The following CDK14 variants were observed in gnomAD, a reference collection of about 807,000 sequenced individuals.
CDK14 encodes the protein cyclin-dependent kinase 14.
A neutral mutation model predicts 60.7 loss-of-function variants in CDK14; 34 were observed. That is an observed-to-expected ratio of 0.56 (90% CI 0.43 to 0.75). The LOEUF is 0.75. Among genes scored for constraint, CDK14 ranks in the 30% least tolerant of loss-of-function variants. The probability of loss-of-function intolerance (pLI) is 0.00; values close to 1 mark genes in which losing one functional copy is unlikely to be tolerated. For missense variants in CDK14, 482 were observed against 564.1 expected (o/e 0.85, Z 1.47); for synonymous variants, 197 against 203.7 (o/e 0.97, Z 0.28).
At position 91,068,311 on chromosome 7, in the gene CDK14, T is replaced by G. The variant is rs185110729; in HGVS notation, c.1106-11121T>G. On this transcript the variant is annotated intron_variant, in intron 11 of 14. Transcript: ENST00000380050. ...GGATGTTTGTAATCGGGGCTGATCT[T>G]CAGCTAATGCACACCTTTATTGCAT... Among the ~76,000 whole-genome samples, 257 of 152,356 alleles carry G rather than the reference T, an allele frequency of 1.7e-3. 1 individual carries two copies. The highest frequency in any genetic ancestry group is 3.2e-3 in the Non-Finnish European group (216 of 68,028).
intron 12 of CDK14, among the ~76,000 whole-genome samples, chr7:91,083,058 G>T (rs934949044): frequency 6.6e-6 from 1 of 151,974 alleles, no homozygotes; most frequent in African/African-American, 2.4e-5. Flanking sequence ...TCACTAGGAG[G>T]AGCAGTTGAG....
chr7:90,988,719 G>A (rs1418351577), intron 10 of CDK14, among the ~76,000 whole-genome samples: 1 of 152,002 alleles, frequency 6.6e-6, no homozygotes, highest in Admixed American at 6.6e-5. Context: ...GAAACCTTTG[G>A]CAGATGCTTC....
chr7:90,950,948 C>T (rs887103566), intron 8 of CDK14, among the ~76,000 whole-genome samples: 1 of 151,330 alleles, frequency 6.6e-6, no homozygotes, highest in Admixed American at 6.6e-5. Flanking sequence ...AATAGAGTAT[C>T]TTCAAACAGT....
chr7:90,674,853 A>G (rs1801165463), intron 2 of CDK14, among the ~76,000 whole-genome samples: 1 of 151,298 alleles, frequency 6.6e-6, no homozygotes, highest in African/African-American at 2.4e-5. Context: ...CACTTTTCTC[A>G]CCTCTCCTTC....
intron 10 of CDK14, among the ~76,000 whole-genome samples, chr7:91,034,711 C>G (rs1426637801): frequency 6.6e-6 from 1 of 152,120 alleles, no homozygotes; most frequent in Non-Finnish European, 1.5e-5. Flanking sequence ...TCTACAGAAC[C>G]TCACTACAGA....
chr7:91,197,962 G>A (rs1254786514), intron 14 of CDK14, among the ~76,000 whole-genome samples: 1 of 152,238 alleles, frequency 6.6e-6, no homozygotes, highest in East Asian at 1.9e-4. Context: ...GTTGTTCGTT[G>A]GCACTGTTGT....
intron 2 of CDK14, among the ~76,000 whole-genome samples, chr7:90,672,261 G>C (rs764390029): frequency 1.3e-5 from 2 of 151,812 alleles, no homozygotes; most frequent in Admixed American, 6.6e-5. Flanking sequence ...CCATTACCAC[G>C]GTTTTAGAAC....
intron 2 of CDK14, among the ~76,000 whole-genome samples, chr7:90,689,327 T>A (rs1801506422): frequency 6.6e-6 from 1 of 152,178 alleles, no homozygotes; most frequent in Non-Finnish European, 1.5e-5. Context: ...TTAGATACTA[T>A]TAATACTTTT....
At chr7:90,984,289 T>G in intron 10 of CDK14, 48 bp downstream of exon 10, 1 of 1,178,052 alleles carries the variant, frequency 8.5e-7, no homozygotes, top group Non-Finnish European at 1.3e-6. Context: ...TTCTAATTAG[T>G]CACTTAGTGA....
intron 12 of CDK14, among the ~76,000 whole-genome samples, chr7:91,088,916 A>G (rs114320951): frequency 0.028 from 4,268 of 151,952 alleles, 199 homozygotes; most frequent in African/African-American, 0.095. Context: ...GACTAAACCA[A>G]TAAACATACC....
At position 90,882,755 on chromosome 7, in the gene CDK14, A is replaced by G. The variant is rs150285965; in HGVS notation, c.640-16536A>G. On this transcript the variant is annotated intron_variant, in intron 6 of 14. Coordinates refer to ENST00000380050, the MANE Select transcript of CDK14 (RefSeq NM_001287135.2). ...AATCATAACAGTCTCTCAGACCACAATGCAATCAAATTAGAACTCAGGATT... is the reference window on the plus strand; with the variant it reads ...AATCATAACAGTCTCTCAGACCACAGTGCAATCAAATTAGAACTCAGGATT... 4.1e-3 allele frequency among the ~76,000 whole-genome samples: 625 copies of G among 152,288 alleles called. 4 individuals carry two copies. Among genetic ancestry groups the G allele is most frequent in the African/African-American group, 0.014 (571 of 41,556 alleles).
At chr7:91,023,117 T>C (rs1406771458) in intron 10 of CDK14, among the ~76,000 whole-genome samples, 1 of 152,234 alleles carries the variant, frequency 6.6e-6, no homozygotes, top group African/African-American at 2.4e-5. Context: ...GATTTCCTCA[T>C]GCTACTGAGA....
intron 11 of CDK14, among the ~76,000 whole-genome samples, chr7:91,059,667 G>A (rs1274698629): frequency 6.6e-6 from 1 of 152,202 alleles, no homozygotes; most frequent in African/African-American, 2.4e-5. Context: ...TATGTACCCA[G>A]TAGTCATTCA....
chr7:90,974,262 G>GT lies in CDK14; in HGVS notation c.948-9878dup, dbSNP rs894923995. ...GTTCCCTGAAAATTGCTGTTATTCTGTTTTTTTTCAGGGTGCCCTGATTTC... is the reference window on the plus strand; with the variant it reads ...GTTCCCTGAAAATTGCTGTTATTCTGTTTTTTTTTCAGGGTGCCCTGATTTC... On this transcript the variant is annotated intron_variant, in intron 9 of 14. Transcript: ENST00000380050. 1.1e-4 allele frequency among the ~76,000 whole-genome samples: 17 copies of GT among 151,428 alleles called. No individual in the cohort carries two copies. The South Asian group carries it at 2.7e-3, about 24-fold the overall frequency.
chr7:90,990,085 A>G (rs1452772310), intron 10 of CDK14, among the ~76,000 whole-genome samples: 1 of 152,142 alleles, frequency 6.6e-6, no homozygotes, highest in Non-Finnish European at 1.5e-5. Context: ...GTAATAAAAC[A>G]GTATAACAGG....
intron 1 of CDK14, among the ~76,000 whole-genome samples, chr7:90,598,110 C>T (rs573782373): frequency 4.5e-4 from 69 of 152,290 alleles, no homozygotes; most frequent in African/African-American, 1.5e-3. Flanking sequence ...GTCGCAGAGG[C>T]GGGTTCTGGA....
chr7:91,005,948 T>C (rs1289690456), intron 10 of CDK14, among the ~76,000 whole-genome samples: 1 of 152,180 alleles, frequency 6.6e-6, no homozygotes, highest in Non-Finnish European at 1.5e-5. Flanking sequence ...GCGACTGTGG[T>C]TTAAGATCTG....
chr7:90,726,291 A>G (rs1193685621), intron 2 of CDK14: 2 of 983,946 alleles, frequency 2.0e-6, no homozygotes, highest in African/African-American at 3.5e-5. Flanking sequence ...GAGTTCAAGA[A>G]TCATGTTAGG....
chr7:90,974,483 G>A (rs1180051821), intron 9 of CDK14, among the ~76,000 whole-genome samples: 1 of 152,118 alleles, frequency 6.6e-6, no homozygotes, highest in African/African-American at 2.4e-5. Flanking sequence ...ATGTTCTTCT[G>A]CCGTGGCTTC....
Sources: allele counts gnomAD v4.1 joint callset (sites outside exome capture counted in the v4.1 genomes callset), GRCh38; gene constraint gnomAD v4.1.1; transcripts MANE v1.5; gene names NCBI Gene and HGNC (gene_info 2026-07-23, HGNC 2026-07-21).